The following MTMR2 variants were observed in gnomAD, a reference collection of about 807,000 sequenced individuals.
MTMR2 encodes the protein myotubularin related protein 2, also known as phosphatidylinositol-3,5-bisphosphate 3-phosphatase MTMR2.
MTMR2 carries 55 observed loss-of-function variants against 86.9 expected under a neutral mutation model. The ratio of observed to expected loss-of-function variants is 0.63; its 90% CI spans 0.51 to 0.79. The LOEUF (loss-of-function observed/expected upper bound fraction) is 0.79. MTMR2 is among the 30% of genes least tolerant of loss of function. The pLI is 0.00. For missense variants in MTMR2, 659 were observed against 772.3 expected, an observed-to-expected ratio of 0.85 and a Z score of 1.74; for synonymous variants, 241 against 266.8, an observed-to-expected ratio of 0.90 and a Z score of 0.94.
chr11:95,882,821 C>G (rs1331168085), intron 2 of MTMR2, among the ~76,000 whole-genome samples: 4 of 147,416 alleles, frequency 2.7e-5, no homozygotes, highest in Admixed American at 1.4e-4. Context: ...CTCCCGGGTT[C>G]ACGCCATTTT....
chr11:95,842,382 T>G (rs887145105), intron 11 of MTMR2, among the ~76,000 whole-genome samples: 5 of 152,204 alleles, frequency 3.3e-5, no homozygotes, highest in Non-Finnish European at 5.9e-5. Context: ...AGCACCATTC[T>G]CTGTTCATAT....
At chr11:95,846,519 CAGAA>C (rs1173628834) in intron 10 of MTMR2, among the ~76,000 whole-genome samples, 4 of 152,118 alleles carry the variant, frequency 2.6e-5, no homozygotes, top group Admixed American at 1.3e-4. Context: ...AGGTCTCTCT[CAGAA>C]AGGTGATATT....
chr11:95,889,463 G>A (rs1865634580), intron 1 of MTMR2, among the ~76,000 whole-genome samples: 1 of 139,556 alleles, frequency 7.2e-6, no homozygotes, highest in Non-Finnish European at 1.5e-5. Context: ...CGCTTTTATT[G>A]TTTATTTTGT....
chr11:95,872,255 A>G (rs1565365181), intron 2 of MTMR2, among the ~76,000 whole-genome samples: 3 of 141,366 alleles, frequency 2.1e-5, no homozygotes, highest in Non-Finnish European at 4.9e-5. Context: ...ACCCATGAGC[A>G]TGGAATGTTC....
intron 9 of MTMR2, 118 bp downstream of exon 9, chr11:95,849,556 A>G (rs1863933971): frequency 1.1e-6 from 1 of 926,776 alleles, no homozygotes; most frequent in African/African-American, 1.6e-5. Flanking sequence ...TGAAGAGCCA[A>G]GACAAGAACC....
intron 1 of MTMR2, among the ~76,000 whole-genome samples, chr11:95,916,209 T>G (rs1866696210): frequency 6.6e-6 from 1 of 152,162 alleles, no homozygotes; most frequent in East Asian, 1.9e-4. Flanking sequence ...AAAGCTGCTA[T>G]GACTCCAATA....
At chr11:95,914,448 A>C (rs1866626402) in intron 1 of MTMR2, 1 of 761,404 alleles carries the variant, frequency 1.3e-6, no homozygotes, top group African/African-American at 1.9e-5. Context: ...TTCATACTTT[A>C]CATGATCTTC....
At chr11:95,920,243 A>C (rs1866865998) in intron 1 of MTMR2, among the ~76,000 whole-genome samples, 1 of 152,202 alleles carries the variant, frequency 6.6e-6, no homozygotes, top group South Asian at 2.1e-4. Context: ...AAGATATACA[A>C]GAGTTGCTGA....
Position 95,833,886 on chromosome 11 carries a change from A to G in MTMR2, c.*1404T>C, listed in dbSNP as rs1415397226. ...CTAATAGAAACTTCCTCACTGCAAG[A>G]CCAAGAGGGAGGCTAAGGTTCAGAC... On this transcript the variant is annotated 3_prime_UTR_variant, in exon 15 of 15. Coordinates refer to ENST00000346299, the MANE Select transcript of MTMR2 (RefSeq NM_016156.6). 1 of 152,086 alleles carries G rather than the reference A, an allele frequency of 6.6e-6. No individual in the cohort carries two copies. The highest frequency in any genetic ancestry group is 1.5e-5 in the Non-Finnish European group (1 of 67,990). The allele number at this position is 152,086 out of a possible 1,614,324, so 9.4% of individuals were successfully genotyped here.
intron 1 of MTMR2, among the ~76,000 whole-genome samples, chr11:95,921,552 A>G (rs1236307171): frequency 6.6e-6 from 1 of 152,228 alleles, no homozygotes. Context: ...GTGTTAGCCT[A>G]GATTGTTTAA....
intron 3 of MTMR2, among the ~76,000 whole-genome samples, chr11:95,864,997 G>A (rs1419619652): frequency 1.3e-5 from 2 of 151,938 alleles, no homozygotes; most frequent in African/African-American, 4.8e-5. Flanking sequence ...TCACACAGAT[G>A]AAACAAAACA....
In MTMR2 at chr11:95,850,627, T is replaced by C; in HGVS notation, c.777A>G (p.Ala259=). ...GGATACGGCCTCTTGATCTGAAGGA[T>C]GCCACTCTCTTTAATTCTTCATCAG... is the stretch of plus-strand genomic sequence containing the variant. ...NIPDEELKRV[A]SFRSRGRIPV... is the part of the protein sequence containing the mutation. The change falls in exon 8 of 15, where the codon GCA becomes GCG. Residue 259 remains alanine (A), a synonymous_variant. Transcript: ENST00000346299. 6.2e-7 allele frequency: 1 copy of C among 1,614,148 alleles called. No homozygotes were observed.
chr11:95,890,495 G>A (rs376646320), intron 1 of MTMR2, among the ~76,000 whole-genome samples: 52 of 152,286 alleles, frequency 3.4e-4, no homozygotes, highest in African/African-American at 9.9e-4. Flanking sequence ...GGATTTAGTG[G>A]GAAATCTGCT....
At chr11:95,885,385 A>G (rs2135542432) in intron 2 of MTMR2, among the ~76,000 whole-genome samples, 1 of 152,252 alleles carries the variant, frequency 6.6e-6, no homozygotes, top group South Asian at 2.1e-4. Flanking sequence ...CAGGGCTCCT[A>G]TGAAAACTGG....
intron 1 of MTMR2, among the ~76,000 whole-genome samples, chr11:95,889,196 C>G (rs533623197): frequency 6.6e-6 from 1 of 150,482 alleles, no homozygotes; most frequent in Non-Finnish European, 1.5e-5. Context: ...TGCAATGGTG[C>G]GATCTCCGGT....
intron 1 of MTMR2, among the ~76,000 whole-genome samples, chr11:95,921,496 C>A (rs1866925286): frequency 6.6e-6 from 1 of 152,140 alleles, no homozygotes; most frequent in South Asian, 2.1e-4. Context: ...AGCTATGAGA[C>A]CAAAGCAGGC....
intron 2 of MTMR2, 73 bp from the exon 3 acceptor site, chr11:95,865,749 G>A: frequency 1.6e-6 from 2 of 1,224,554 alleles, no homozygotes; most frequent in Non-Finnish European, 2.4e-6. Context: ...TTTCAACTGA[G>A]TATACTTGCT....
At chr11:95,864,659 A>G (rs1342755559) in intron 3 of MTMR2, among the ~76,000 whole-genome samples, 1 of 152,172 alleles carries the variant, frequency 6.6e-6, no homozygotes, top group Non-Finnish European at 1.5e-5. Context: ...TGGTGTATAT[A>G]TAAGGCTAAC....
At chr11:95,841,961 G>T (rs1260591661) in intron 11 of MTMR2, among the ~76,000 whole-genome samples, 2 of 152,128 alleles carry the variant, frequency 1.3e-5, no homozygotes, top group African/African-American at 4.8e-5. Flanking sequence ...AGGCATGGTG[G>T]CGTGCACCTG....
Sources: gnomAD v4.1 joint callset for allele counts (sites outside exome capture counted in the v4.1 genomes callset) on GRCh38, gnomAD v4.1.1 for gene constraint, MANE v1.5 for transcripts, NCBI Gene and HGNC (gene_info 2026-07-23, HGNC 2026-07-21) for gene names.